Variants in PPP2R2B observed in about 807,000 individuals in gnomAD.
The protein encoded by PPP2R2B is serine/threonine-protein phosphatase 2A 55 kDa regulatory subunit B beta isoform.
Under a neutral mutation model 46.0 loss-of-function variants are expected in PPP2R2B, and 5 were observed. The observed-to-expected ratio is 0.11, with a 90% CI of 0.06 to 0.23. The LOEUF is 0.23. PPP2R2B is among the 10% of genes least tolerant of loss of function. PPP2R2B has a pLI of 1.00. For synonymous variants in PPP2R2B, 215 were observed against 206.7 expected (o/e 1.04, Z -0.34); for missense variants, 367 against 575.0 (o/e 0.64, Z 3.70).
chr5:146,988,038 T>C (rs999227967), intron 1 of PPP2R2B, among the ~76,000 whole-genome samples: 1 of 151,994 alleles, frequency 6.6e-6, no homozygotes, highest in Non-Finnish European at 1.5e-5. Context: ...TACTATGTAT[T>C]GATGAAAGAT....
At chr5:147,030,787 G>A (rs985196905) in intron 1 of PPP2R2B, among the ~76,000 whole-genome samples, 4 of 151,936 alleles carry the variant, frequency 2.6e-5, no homozygotes, top group African/African-American at 9.7e-5. Context: ...TGTTATTTGT[G>A]TTATTTTTGT....
At chr5:146,923,231 T>G (rs1440536501) in intron 1 of PPP2R2B, among the ~76,000 whole-genome samples, 1 of 152,182 alleles carries the variant, frequency 6.6e-6, no homozygotes, top group Non-Finnish European at 1.5e-5. Context: ...ATCCTCATAT[T>G]TACTCTTCTT....
intron 2 of PPP2R2B, among the ~76,000 whole-genome samples, chr5:147,077,153 T>TATATTGTATATTATTATATATGTATA (rs1757798649): frequency 3.0e-5 from 4 of 133,774 alleles, no homozygotes; most frequent in Admixed American, 7.1e-5. Flanking sequence ...TATAATATTG[T>TATATTGTATATTATTATATATGTATA]ATATTGTATA....
At chr5:146,948,186 T>C (rs1163270332) in intron 1 of PPP2R2B, among the ~76,000 whole-genome samples, 2 of 152,086 alleles carry the variant, frequency 1.3e-5, no homozygotes, top group African/African-American at 4.8e-5. Flanking sequence ...GGGACTATGT[T>C]TATTCAACAT....
chr5:146,712,857 GTTAA>G (rs1477380645), intron 2 of PPP2R2B, among the ~76,000 whole-genome samples: 1 of 152,094 alleles, frequency 6.6e-6, no homozygotes, highest in African/African-American at 2.4e-5. Flanking sequence ...AAGATTTAGG[GTTAA>G]TTAATTCATT....
At chr5:146,986,124 G>A (rs1460721933) in intron 1 of PPP2R2B, among the ~76,000 whole-genome samples, 1 of 152,166 alleles carries the variant, frequency 6.6e-6, no homozygotes, top group African/African-American at 2.4e-5. Context: ...ACATTGGAGA[G>A]GGGAGGAAGG....
chr5:146,882,281 A>T (rs1168372362), upstream of PPP2R2B, among the ~76,000 whole-genome samples: 1 of 152,126 alleles, frequency 6.6e-6, no homozygotes, highest in African/African-American at 2.4e-5. Flanking sequence ...AAAAAAAAAA[A>T]AAGAATTGCT....
At chr5:146,737,498 A>G (rs1752608514) in intron 2 of PPP2R2B, among the ~76,000 whole-genome samples, 1 of 152,206 alleles carries the variant, frequency 6.6e-6, no homozygotes, top group Admixed American at 6.5e-5. Context: ...ACAAATATCT[A>G]TGGAATCAAT....
intron 2 of PPP2R2B, among the ~76,000 whole-genome samples, chr5:146,833,191 T>C (rs1759067400): frequency 6.6e-6 from 1 of 152,112 alleles, no homozygotes; most frequent in South Asian, 2.1e-4. Flanking sequence ...TTAATGCCAA[T>C]ATATCAAGCC....
At chr5:146,637,249 T>C (rs1449223194) in intron 7 of PPP2R2B, among the ~76,000 whole-genome samples, 2 of 152,214 alleles carry the variant, frequency 1.3e-5, no homozygotes, top group African/African-American at 4.8e-5. Context: ...GAATGAATTG[T>C]AGTCTAGATC....
At chr5:146,687,796 T>C (rs1778603432) in intron 5 of PPP2R2B, among the ~76,000 whole-genome samples, 1 of 152,196 alleles carries the variant, frequency 6.6e-6, no homozygotes, top group South Asian at 2.1e-4. Flanking sequence ...CTCTCAGCGC[T>C]GAAACAGAAC....
intron 2 of PPP2R2B, among the ~76,000 whole-genome samples, chr5:146,845,488 C>T (rs1409640088): frequency 1.3e-5 from 2 of 151,846 alleles, no homozygotes; most frequent in Non-Finnish European, 2.9e-5. Flanking sequence ...CTCCTGACCT[C>T]GTGATCCGCC....
chr5:146,763,252 G>C (rs770838771), intron 2 of PPP2R2B, among the ~76,000 whole-genome samples: 1 of 152,132 alleles, frequency 6.6e-6, no homozygotes, highest in Non-Finnish European at 1.5e-5. Context: ...ATAGCTCCAG[G>C]GCACAGACAG....
At chr5:146,984,323 A>G (rs1309488030) in intron 1 of PPP2R2B, among the ~76,000 whole-genome samples, 1 of 152,182 alleles carries the variant, frequency 6.6e-6, no homozygotes, top group Admixed American at 6.5e-5. Context: ...TAGATTCCAC[A>G]TGTAAGTGAG....
At chr5:146,846,594 C>T (rs961531219) in intron 2 of PPP2R2B, among the ~76,000 whole-genome samples, 7 of 152,118 alleles carry the variant, frequency 4.6e-5, no homozygotes, top group Admixed American at 4.6e-4. Flanking sequence ...AGGAGAATCG[C>T]TTGAACCTGG....
intron 1 of PPP2R2B, among the ~76,000 whole-genome samples, chr5:147,027,634 C>CAA (rs10636778): frequency 0.021 from 2,668 of 125,244 alleles, 76 homozygotes; most frequent in African/African-American, 0.051. Flanking sequence ...GACTCGGTCT[C>CAA]AAAAAAAAAA....
chr5:147,010,672 C>T (rs1754680608), intron 1 of PPP2R2B, among the ~76,000 whole-genome samples: 1 of 152,126 alleles, frequency 6.6e-6, no homozygotes, highest in African/African-American at 2.4e-5. Flanking sequence ...GATGAAGCTT[C>T]ACTTTGCTTG....
In PPP2R2B at chr5:146,691,111, C is replaced by T; in HGVS notation, c.447+17G>A. 7 of 1,608,982 alleles carry T rather than the reference C, an allele frequency of 4.4e-6. No homozygotes were observed. Among genetic ancestry groups the T allele is most frequent in the Non-Finnish European group, 6.0e-6 (7 of 1,176,160 alleles). On this transcript the variant is annotated intron_variant, in intron 5 of 9. Coordinates refer to ENST00000394411, the MANE Select transcript of PPP2R2B (RefSeq NM_181675.4). ...CTGCCCCTGACTGTGGTGGCCAGGGCAGCTGTTTGCACTCACCCGCAGGGT... is the reference window on the plus strand; with the variant it reads ...CTGCCCCTGACTGTGGTGGCCAGGGTAGCTGTTTGCACTCACCCGCAGGGT...
At position 146,849,261 on chromosome 5, in the gene PPP2R2B, A is replaced by G. The variant is rs1435502404; in HGVS notation, c.70+28741T>C. Among the ~76,000 whole-genome samples the G allele has an allele frequency of 2.6e-5, 4 of 152,318 alleles. No individual in the cohort carries two copies. The East Asian group carries it at 7.7e-4, about 29-fold the overall frequency. ...GAAATATATGTGTGCATATAACCCTATGTATATCTACATAAATATTTCTAT... is the reference window on the plus strand; with the variant it reads ...GAAATATATGTGTGCATATAACCCTGTGTATATCTACATAAATATTTCTAT... On this transcript the variant is annotated intron_variant, in intron 2 of 9. Transcript: ENST00000394411.
Sources: gnomAD v4.1 joint callset for allele counts (sites outside exome capture counted in the v4.1 genomes callset) on GRCh38, gnomAD v4.1.1 for gene constraint, MANE v1.5 for transcripts, NCBI Gene and HGNC (gene_info 2026-07-23, HGNC 2026-07-21) for gene names.